Variants in A2ML1 observed in about 807,000 individuals in gnomAD.
A2ML1 encodes the protein alpha-2-macroglobulin like 1.
Under a neutral mutation model 181.9 loss-of-function variants are expected in A2ML1, and 161 were observed. That is an observed-to-expected ratio of 0.89 (90% CI 0.78 to 1.01). The LOEUF is 1.01. Ranked by LOEUF, A2ML1 falls within the 50% of genes least tolerant of loss-of-function variation. A2ML1 has a pLI of 0.00. For missense variants in A2ML1, 1,670 were observed against 1,768.1 expected (o/e 0.94, Z 1.00); for synonymous variants, 663 against 666.8 (o/e 0.99, Z 0.09).
intron 6 of A2ML1, among the ~76,000 whole-genome samples, chr12:8,835,884 G>T (rs931300400): frequency 2.0e-5 from 3 of 151,884 alleles, no homozygotes; most frequent in Admixed American, 6.6e-5. Flanking sequence ...GTGGTGGCAG[G>T]TGCCTGTAGT....
rs757536408 is a variant in A2ML1, at chr12:8,829,161, G to A, written c.410-566G>A. Reference sequence around the variant, plus strand: ...TTCTTATGACAGTGCTGTTTTGCGTGGGCAGTTGTTCAGTTTGGTGTTACT... The same window carrying A: ...TTCTTATGACAGTGCTGTTTTGCGTAGGCAGTTGTTCAGTTTGGTGTTACT... On this transcript the variant is annotated intron_variant, in intron 3 of 35. Transcript: ENST00000299698. Among the ~76,000 whole-genome samples the A allele has an allele frequency of 5.9e-5, 9 of 152,308 alleles. 1 individual carries two copies. Among genetic ancestry groups the A allele is most frequent in the Middle Eastern group, 3.4e-3 (1 of 294 alleles).
At chr12:8,874,340 A>G in intron 33 of A2ML1, 85 bp from the exon 34 acceptor site, 2 of 1,090,132 alleles carry the variant, frequency 1.8e-6, no homozygotes, top group Admixed American at 3.8e-5. Context: ...CTACATGAAG[A>G]CAGCAAGGGT....
At chr12:8,857,376 C>T in intron 24 of A2ML1, 36 bp downstream of exon 24, 1 of 1,608,038 alleles carries the variant, frequency 6.2e-7, no homozygotes, top group South Asian at 1.1e-5. Context: ...TGAACACTCT[C>T]CTCCACTAGG....
intron 4 of A2ML1, chr12:8,830,606 A>G (rs1052663867): frequency 4.6e-4 from 70 of 152,244 alleles, no homozygotes; most frequent in African/African-American, 1.5e-3. Flanking sequence ...GCCTTACCAC[A>G]GGTTTGATTT....
downstream of A2ML1, among the ~76,000 whole-genome samples, chr12:8,880,056 AG>A (rs746048803): frequency 3.9e-5 from 6 of 152,172 alleles, no homozygotes; most frequent in Non-Finnish European, 8.8e-5. Context: ...AAAAAATGAT[AG>A]AAGAAAGCAC....
chr12:8,829,183 T>C (rs1943029133), intron 3 of A2ML1, among the ~76,000 whole-genome samples: 1 of 152,170 alleles, frequency 6.6e-6, no homozygotes, highest in Admixed American at 6.5e-5. Flanking sequence ...AGTTTGGTGT[T>C]ACTGTGGGGG....
intron 10 of A2ML1, among the ~76,000 whole-genome samples, chr12:8,839,532 C>T (rs1371848988): frequency 1.7e-5 from 1 of 57,316 alleles, no homozygotes; most frequent in African/African-American, 3.8e-5. Flanking sequence ...GCCCCAATCC[C>T]ATAGAAGAAG....
At chr12:8,843,082 T>C in intron 11 of A2ML1, 52 bp from the exon 12 acceptor site, 10 of 1,534,366 alleles carry the variant, frequency 6.5e-6, no homozygotes, top group Non-Finnish European at 9.0e-6. Flanking sequence ...GTCCGTGGGG[T>C]TTCCATGGTT....
chr12:8,880,222 C>T (rs113566351), downstream of A2ML1, among the ~76,000 whole-genome samples: 1,576 of 151,964 alleles, frequency 0.01, 28 homozygotes, highest in African/African-American at 0.035. Context: ...AAAAATCAGC[C>T]GAGTGTGGTG....
chr12:8,857,949 G>A lies in A2ML1; in HGVS notation c.3111G>A (p.Leu1037=), dbSNP rs745424418. 2 of 1,613,976 alleles carry A rather than the reference G, an allele frequency of 1.2e-6. No homozygotes were observed. The highest frequency in any genetic ancestry group is 2.2e-5 in the East Asian group (1 of 44,882). ...GERDGNGNTW[L]TAFVTKCFGQ... ...ATTTTCCTCTTTACCCATGTAGGCT[G>A]ACAGCGTTTGTCACAAAATGCTTTG... The change falls in exon 26 of 36, where the codon CTG becomes CTA. Residue 1037 remains leucine, a synonymous_variant. Transcript: ENST00000299698.
chr12:8,886,259 T>C (rs1251668032), intron 7 of A2ML1, among the ~76,000 whole-genome samples: 1 of 152,190 alleles, frequency 6.6e-6, no homozygotes, highest in Non-Finnish European at 1.5e-5. Flanking sequence ...ATATTAAGTT[T>C]CTAATTTATG....
At chr12:8,829,941 G>T in intron 4 of A2ML1, 162 bp downstream of exon 4, 1 of 762,950 alleles carries the variant, frequency 1.3e-6, no homozygotes, top group Admixed American at 2.7e-5. Flanking sequence ...GAGCTTCAGG[G>T]AGCTAGCCTA....
intron 3 of A2ML1, among the ~76,000 whole-genome samples, chr12:8,825,446 T>C (rs1942899881): frequency 6.6e-6 from 1 of 152,220 alleles, no homozygotes; most frequent in African/African-American, 2.4e-5. Context: ...ATCTGATTAC[T>C]AGATGTTTTC....
rs1944806240 is a variant in A2ML1 at position 8,876,578 on chromosome 12, C to G, written c.*522C>G. On this transcript the variant is annotated 3_prime_UTR_variant, in exon 36 of 36. Coordinates refer to ENST00000299698, the MANE Select transcript of A2ML1 (RefSeq NM_144670.6). The stretch of plus-strand genomic sequence containing the variant: ...ATCGCAGCCCCTTGGAAGGCCAAGG[C>G]AGGAGAATCGCCTCAACACTGGAGG... 1.3e-5 allele frequency: 2 copies of G among 152,224 alleles called. No individual in the cohort carries two copies. Among genetic ancestry groups the G allele is most frequent in the Admixed American group, 6.5e-5 (1 of 15,268 alleles). 9.4% of individuals were successfully genotyped at this position (152,224 alleles called of 1,614,324 possible).
chr12:8,840,593 T>C (rs1943434266), intron 10 of A2ML1, among the ~76,000 whole-genome samples: 1 of 151,520 alleles, frequency 6.6e-6, no homozygotes, highest in Non-Finnish European at 1.5e-5. Context: ...TTTGGGAGGG[T>C]AGGGGATTCG....
chr12:8,850,255 T>C lies in A2ML1; in HGVS notation c.2215T>C (p.Trp739Arg). The C allele has an allele frequency of 6.2e-7, 1 of 1,612,848 alleles. No individual in the cohort carries two copies. Among genetic ancestry groups the C allele is most frequent in the South Asian group, 1.1e-5 (1 of 90,880 alleles). ...CCAGTACTTCCCAGAGACCTGGCTC[T>C]GGGATCTGTTTCCTATTGGGTAAGT... is the stretch of plus-strand genomic sequence containing the variant. Reference protein sequence around the residue: ...VRQYFPETWLWDLFPIGNSGK... With the variant: ...VRQYFPETWLRDLFPIGNSGK... The change falls in exon 18 of 36, where the codon TGG becomes CGG. Residue 739 changes from tryptophan (W) to arginine (R), a missense_variant. Transcript: ENST00000299698.
At chr12:8,836,234 T>G in intron 6 of A2ML1, 21 bp from the exon 7 acceptor site, 3 of 1,610,466 alleles carry the variant, frequency 1.9e-6, no homozygotes, top group Non-Finnish European at 2.5e-6. Flanking sequence ...CTTTCTCCAT[T>G]TCTCCTTTTA....
At chr12:8,851,343 G>C (rs769353491) in intron 18 of A2ML1, among the ~76,000 whole-genome samples, 1 of 151,650 alleles carries the variant, frequency 6.6e-6, no homozygotes, top group East Asian at 1.9e-4. Context: ...AGACTCACCT[G>C]TTCAGTTGCC....
chr12:8,871,393 T>A (rs1944616624), intron 33 of A2ML1, among the ~76,000 whole-genome samples: 1 of 152,236 alleles, frequency 6.6e-6, no homozygotes, highest in Admixed American at 6.5e-5. Flanking sequence ...ATGTGTTTGA[T>A]AACTCTGCTT....
Sources: allele counts gnomAD v4.1 joint callset (sites outside exome capture counted in the v4.1 genomes callset), GRCh38; gene constraint gnomAD v4.1.1; transcripts MANE v1.5; gene names NCBI Gene and HGNC (gene_info 2026-07-23, HGNC 2026-07-21).